JPH2: variants seen among roughly 807,000 people sequenced by gnomAD.
JPH2 encodes the protein junctophilin 2.
A neutral mutation model predicts 55.9 loss-of-function variants in JPH2; 38 were observed. The observed-to-expected ratio is 0.68, with a 90% CI of 0.52 to 0.89. The LOEUF is 0.89. JPH2 is among the 40% of genes least tolerant of loss of function. The pLI, the probability that JPH2 is intolerant of heterozygous loss-of-function variation, is 0.00. For missense variants in JPH2, 964 were observed against 1,037.6 expected (o/e 0.93, Z 0.97); for synonymous variants, 480 against 472.4 (o/e 1.02, Z -0.21).
Position 44,186,843 on chromosome 20 carries a change from A to G in JPH2, c.-138T>C. On this transcript the variant is annotated 5_prime_UTR_variant, in exon 1 of 6. Transcript: ENST00000372980. ...TGCACCCCAGGAGGGGGGAAGCAGGATGCCAGCAGAGGCTGAAAGAGCCCC... is the reference window on the plus strand; with the variant it reads ...TGCACCCCAGGAGGGGGGAAGCAGGGTGCCAGCAGAGGCTGAAAGAGCCCC... 1 of 859,020 alleles carries G rather than the reference A, an allele frequency of 1.2e-6. No homozygotes were observed. Among genetic ancestry groups the G allele is most frequent in the Non-Finnish European group, 1.8e-6 (1 of 554,850 alleles). The allele number at this position is 859,020 out of a possible 1,614,324, so 53.2% of individuals were successfully genotyped here.
At position 44,187,108 on chromosome 20, in the gene JPH2, T is replaced by C; in HGVS notation, c.-403A>G. ...CCTTTTCAAAGAGGGGAAATTCCCCTCGGTGGCAGCCCCCGCCGGAGGCTG... is the reference window on the plus strand; with the variant it reads ...CCTTTTCAAAGAGGGGAAATTCCCCCCGGTGGCAGCCCCCGCCGGAGGCTG... On this transcript the variant is annotated 5_prime_UTR_variant, in exon 1 of 6. Coordinates refer to ENST00000372980, the MANE Select transcript of JPH2 (RefSeq NM_020433.5). The C allele has an allele frequency of 5.6e-6, 1 of 180,034 alleles. No individual in the cohort carries two copies. Among genetic ancestry groups the C allele is most frequent in the Non-Finnish European group, 1.2e-5 (1 of 86,256 alleles). 11.2% of individuals were successfully genotyped at this position (180,034 alleles called of 1,614,324 possible). A position where few individuals can be genotyped will look rare whatever the true frequency, so the allele number is the denominator to read the frequency against.
At chr20:44,179,733 C>T (rs1050214060) in intron 1 of JPH2, among the ~76,000 whole-genome samples, 1 of 152,142 alleles carries the variant, frequency 6.6e-6, no homozygotes, top group African/African-American at 2.4e-5. Flanking sequence ...TCATTGTTTA[C>T]CATTTATTAT....
chr20:44,145,332 C>T (rs997170590), intron 2 of JPH2, among the ~76,000 whole-genome samples: 1 of 152,130 alleles, frequency 6.6e-6, no homozygotes, highest in East Asian at 1.9e-4. Flanking sequence ...GGACCAGGCG[C>T]GGTGGCCCAT....
chr20:44,165,584 C>T (rs144356729), intron 1 of JPH2, among the ~76,000 whole-genome samples: 1 of 152,178 alleles, frequency 6.6e-6, no homozygotes, highest in East Asian at 1.9e-4. Flanking sequence ...CCTTCTCACT[C>T]AGAAGAAAAG....
intron 2 of JPH2, among the ~76,000 whole-genome samples, chr20:44,132,536 C>A (rs538305523): frequency 6.6e-6 from 1 of 151,678 alleles, no homozygotes; most frequent in African/African-American, 2.4e-5. Flanking sequence ...GCTTCCAGTG[C>A]GCCCAGTCAA....
In JPH2 at chr20:44,112,029, C is replaced by G. The variant is rs917885715; in HGVS notation, c.*1489G>C. The G allele has an allele frequency of 6.6e-6, 1 of 152,232 alleles. No homozygotes were observed. Among genetic ancestry groups the G allele is most frequent in the Non-Finnish European group, 1.5e-5 (1 of 68,088 alleles). 9.4% of individuals were successfully genotyped at this position (152,232 alleles called of 1,614,324 possible). On this transcript the variant is annotated 3_prime_UTR_variant, in exon 6 of 6. Coordinates refer to ENST00000372980, the MANE Select transcript of JPH2 (RefSeq NM_020433.5). ...TGAAAATACAGTCCTGGATTCCAGCCAAGCCACAAGGTCCCAGCAGGGCTT... is the reference window on the plus strand; with the variant it reads ...TGAAAATACAGTCCTGGATTCCAGCGAAGCCACAAGGTCCCAGCAGGGCTT...
chr20:44,109,554 G>A lies in JPH2; in HGVS notation c.*3964C>T, dbSNP rs896764268. On this transcript the variant is annotated 3_prime_UTR_variant, in exon 6 of 6. Transcript: ENST00000372980. ...ACCTACGGCCACCTGACTCCATTGA[G>A]TGTACCAGCAAGACAGGCTGAGAGA... Among the ~76,000 whole-genome samples, 1 of 152,238 alleles carries A rather than the reference G, an allele frequency of 6.6e-6. No homozygotes were observed. Among genetic ancestry groups the A allele is most frequent in the African/African-American group, 2.4e-5 (1 of 41,458 alleles).
At chr20:44,136,348 C>A (rs569585905) in intron 2 of JPH2, among the ~76,000 whole-genome samples, 184 of 152,198 alleles carry the variant, frequency 1.2e-3, no homozygotes, top group Non-Finnish European at 2.5e-3. Context: ...TGCAGGGGGA[C>A]GAAGTCTGCT....
chr20:44,132,365 C>T (rs1600838939), intron 2 of JPH2, among the ~76,000 whole-genome samples: 1 of 96,526 alleles, frequency 1.0e-5, no homozygotes, highest in Non-Finnish European at 2.2e-5. Context: ...GACACACACA[C>T]ACACACACAC....
intron 2 of JPH2, among the ~76,000 whole-genome samples, chr20:44,134,868 AT>A (rs1569195702): frequency 4.6e-4 from 10 of 21,770 alleles, no homozygotes; most frequent in African/African-American, 2.1e-3. Flanking sequence ...ATATATAAAT[AT>A]ATATATTTAT....
intron 2 of JPH2, among the ~76,000 whole-genome samples, chr20:44,122,839 A>G (rs1362191060): frequency 6.6e-6 from 1 of 152,150 alleles, no homozygotes; most frequent in African/African-American, 2.4e-5. Flanking sequence ...GCACGTGAGT[A>G]TGTGTGAGAC....
At chr20:44,129,318 G>A (rs771446402) in intron 2 of JPH2, among the ~76,000 whole-genome samples, 3 of 152,172 alleles carry the variant, frequency 2.0e-5, no homozygotes, top group Admixed American at 2.0e-4. Context: ...ACTTTGGGAG[G>A]CAGAGGCAGG....
intron 2 of JPH2, among the ~76,000 whole-genome samples, chr20:44,123,572 G>A (rs2145844260): frequency 6.6e-6 from 1 of 152,328 alleles, no homozygotes; most frequent in Non-Finnish European, 1.5e-5. Context: ...AGGCAGTCTG[G>A]ATGGGGTATA....
chr20:44,149,315 G>A (rs553328554), intron 2 of JPH2, among the ~76,000 whole-genome samples: 1 of 152,286 alleles, frequency 6.6e-6, no homozygotes, highest in East Asian at 1.9e-4. Flanking sequence ...CGCTACAAGA[G>A]CCATGGTCCA....
chr20:44,148,269 T>G (rs978092204), intron 2 of JPH2, among the ~76,000 whole-genome samples: 9 of 152,216 alleles, frequency 5.9e-5, no homozygotes, highest in African/African-American at 1.9e-4. Context: ...CCGCCACATA[T>G]TAAGTCCTCA....
rs376052338 is a variant in JPH2 at position 44,118,634 on chromosome 20, A to G, written c.1170-11T>C. On this transcript the variant is annotated splice_polypyrimidine_tract_variant and intron_variant, in intron 2 of 5. Coordinates refer to ENST00000372980, the MANE Select transcript of JPH2 (RefSeq NM_020433.5). Reference sequence around the variant, plus strand: ...TTGGCGTGGCTTGTCCTATGGAGACAATGTGGCAGAAGACTCAGGATCCTT... The same window carrying G: ...TTGGCGTGGCTTGTCCTATGGAGACGATGTGGCAGAAGACTCAGGATCCTT... 35 of 1,599,290 alleles carry G rather than the reference A, an allele frequency of 2.2e-5. No homozygotes were observed. The highest frequency in any genetic ancestry group is 2.6e-5 in the Non-Finnish European group (30 of 1,173,224).
chr20:44,150,059 C>T (rs2072521204), intron 2 of JPH2, among the ~76,000 whole-genome samples: 1 of 133,882 alleles, frequency 7.5e-6, no homozygotes, highest in South Asian at 2.7e-4. Flanking sequence ...GTACACAGAA[C>T]TATTTATTAA....
intron 2 of JPH2, among the ~76,000 whole-genome samples, chr20:44,124,934 C>G (rs1008037221): frequency 6.6e-6 from 1 of 151,998 alleles, no homozygotes; most frequent in Non-Finnish European, 1.5e-5. Context: ...ATGCCGAAAC[C>G]CTGTCTCTAC....
In JPH2 at chr20:44,129,573, A is replaced by AAC. The variant is rs1555854979; in HGVS notation, c.1170-10951_1170-10950insGT. On this transcript the variant is annotated intron_variant, in intron 2 of 5. Coordinates refer to ENST00000372980, the MANE Select transcript of JPH2 (RefSeq NM_020433.5). ...GTCTCAAAAAAAAAAAAAAAAACAA[A>AAC]AAAAACAAAACCATTGCTGCTTCCT... Among the ~76,000 whole-genome samples, 78 of 112,492 alleles carry AAC rather than the reference A, an allele frequency of 6.9e-4. 1 individual carries two copies. Among genetic ancestry groups the AAC allele is most frequent in the Middle Eastern group, 4.7e-3 (1 of 214 alleles). 73.8% of individuals were successfully genotyped at this position (112,492 alleles called of 152,430 possible). A position where few individuals can be genotyped will look rare whatever the true frequency, so the allele number is the denominator to read the frequency against.
Sources: allele counts gnomAD v4.1 joint callset (sites outside exome capture counted in the v4.1 genomes callset), GRCh38; gene constraint gnomAD v4.1.1; transcripts MANE v1.5; gene names NCBI Gene and HGNC (gene_info 2026-07-23, HGNC 2026-07-21).